Variants in PCDHGA3 observed in about 807,000 individuals in gnomAD.
PCDHGA3 encodes protocadherin gamma subfamily A, 3.
In PCDHGA3, 40 loss-of-function variants were observed where a neutral mutation model predicts 58.5. The observed-to-expected ratio is 0.68, with a 90% CI of 0.53 to 0.89. The LOEUF is 0.89. Ranked by LOEUF, PCDHGA3 falls within the 40% of genes least tolerant of loss-of-function variation. The pLI, the probability that PCDHGA3 is intolerant of heterozygous loss-of-function variation, is 0.00. For synonymous variants in PCDHGA3, 530 were observed against 525.7 expected (o/e 1.01, Z -0.11); for missense variants, 1,223 against 1,195.9 (o/e 1.02, Z -0.33).
intron 1 of PCDHGA3, among the ~76,000 whole-genome samples, chr5:141,492,632 C>T (rs1359761285): frequency 1.3e-5 from 2 of 152,256 alleles, no homozygotes; most frequent in Admixed American, 1.3e-4. Context: ...CAGGACTCTA[C>T]GATCCTTGGG....
chr5:141,421,586 T>A (rs750525078), intron 1 of PCDHGA3: 2 of 1,613,602 alleles, frequency 1.2e-6, no homozygotes, highest in Admixed American at 3.3e-5. Context: ...ATTTACGGAG[T>A]GGAGGTGGAA....
At chr5:141,383,051 A>T in intron 1 of PCDHGA3, 2 of 1,613,872 alleles carry the variant, frequency 1.2e-6, no homozygotes, top group Non-Finnish European at 1.7e-6. Context: ...ATCGCCAAGG[A>T]CCTGGGGCTG....
chr5:141,422,360 G>C (rs766368774), intron 1 of PCDHGA3: 1 of 1,559,254 alleles, frequency 6.4e-7, no homozygotes, highest in African/African-American at 1.4e-5. Context: ...CAAGATTCTG[G>C]AGAAAATGGT....
intron 1 of PCDHGA3, among the ~76,000 whole-genome samples, chr5:141,465,788 T>A (rs1322471400): frequency 6.6e-6 from 1 of 152,110 alleles, no homozygotes; most frequent in Non-Finnish European, 1.5e-5. Context: ...AGTTTTTTTT[T>A]TTTTAAGAAA....
intron 1 of PCDHGA3, chr5:141,350,853 A>G: frequency 1.2e-6 from 2 of 1,614,078 alleles, no homozygotes; most frequent in Non-Finnish European, 1.7e-6. Context: ...AAACCTCTAG[A>G]CAGGGAACAT....
intron 1 of PCDHGA3, among the ~76,000 whole-genome samples, chr5:141,433,378 T>C (rs1246585250): frequency 6.6e-5 from 10 of 151,072 alleles, no homozygotes. Context: ...TATCTATCTA[T>C]CTATCTATCT....
chr5:141,471,646 G>C (rs935284198), intron 1 of PCDHGA3: 1 of 152,108 alleles, frequency 6.6e-6, no homozygotes, highest in Non-Finnish European at 1.5e-5. Flanking sequence ...GTAATATACT[G>C]GATGTGGGGA....
At chr5:141,365,292 C>T in intron 1 of PCDHGA3, 1 of 1,614,002 alleles carries the variant, frequency 6.2e-7, no homozygotes, top group Non-Finnish European at 8.5e-7. Flanking sequence ...GAAGTGGTAG[C>T]TCAGGATGGA....
At chr5:141,387,885 A>C (rs748815627) in intron 1 of PCDHGA3, 1 of 1,578,800 alleles carries the variant, frequency 6.3e-7, no homozygotes, top group Non-Finnish European at 8.6e-7. Flanking sequence ...AGCAAGAGGG[A>C]TGGGGAGCGG....
At chr5:141,474,361 T>C (rs2099347915) in intron 1 of PCDHGA3, among the ~76,000 whole-genome samples, 2 of 152,210 alleles carry the variant, frequency 1.3e-5, no homozygotes, top group South Asian at 2.1e-4. Context: ...CATGTCTCAG[T>C]AGGTCTAGAG....
Position 141,355,398 on chromosome 5 carries a change from C to T in PCDHGA3, c.2424+8941C>T, listed in dbSNP as rs768527060. 11 of 1,613,956 alleles carry T rather than the reference C, an allele frequency of 6.8e-6. No individual in the cohort carries two copies. The Admixed American group carries it at 1.3e-4, about 20-fold the overall frequency. ...AGCTGGCGGAGCGCGGAGTCCGCAT[C>T]GTCTCCAGAGGTAGGACGCAGCTTT... is the stretch of plus-strand genomic sequence containing the variant. On this transcript the variant is annotated intron_variant, in intron 1 of 3. Transcript: ENST00000253812.
chr5:141,399,780 A>G (rs1444494014), intron 1 of PCDHGA3: 1 of 1,613,288 alleles, frequency 6.2e-7, no homozygotes, highest in Non-Finnish European at 8.5e-7. Flanking sequence ...TGGGCGACCG[A>G]AACGACAACG....
At chr5:141,409,734 G>A in intron 1 of PCDHGA3, 1 of 1,613,144 alleles carries the variant, frequency 6.2e-7, no homozygotes, top group East Asian at 2.2e-5. Flanking sequence ...AGCGCGCAGA[G>A]CGGGGTGGTG....
intron 1 of PCDHGA3, among the ~76,000 whole-genome samples, chr5:141,347,479 A>G (rs1483126579): frequency 6.6e-6 from 1 of 152,082 alleles, no homozygotes; most frequent in African/African-American, 2.4e-5. Flanking sequence ...TCTCAATAAC[A>G]TAAAAATTGG....
At chr5:141,375,282 A>G (rs564045445) in intron 1 of PCDHGA3, 6 of 1,613,866 alleles carry the variant, frequency 3.7e-6, no homozygotes, top group Middle Eastern at 1.6e-4. Flanking sequence ...TCAGTTGGCA[A>G]TTATTATCGA....
chr5:141,390,518 T>G (rs1045172175), intron 1 of PCDHGA3: 1 of 570,806 alleles, frequency 1.8e-6, no homozygotes, highest in Non-Finnish European at 3.0e-6. Flanking sequence ...TATAAAGCAA[T>G]GAGGGTGTGG....
chr5:141,347,969 A>G (rs755614604), intron 1 of PCDHGA3, among the ~76,000 whole-genome samples: 1 of 152,216 alleles, frequency 6.6e-6, no homozygotes, highest in Non-Finnish European at 1.5e-5. Context: ...TGAGAAGGAC[A>G]TCAAAAACAT....
chr5:141,464,530 T>C (rs375523203), intron 1 of PCDHGA3, among the ~76,000 whole-genome samples: 1 of 152,108 alleles, frequency 6.6e-6, no homozygotes, highest in African/African-American at 2.4e-5. Flanking sequence ...TATGTAGTTT[T>C]GTTAAATATA....
intron 1 of PCDHGA3, among the ~76,000 whole-genome samples, chr5:141,435,478 C>A (rs1279447863): frequency 6.6e-6 from 1 of 152,146 alleles, no homozygotes; most frequent in Non-Finnish European, 1.5e-5. Flanking sequence ...TTAGACATTT[C>A]TTTTGCCCAT....
Sources: allele counts gnomAD v4.1 joint callset (sites outside exome capture counted in the v4.1 genomes callset), GRCh38; gene constraint gnomAD v4.1.1; transcripts MANE v1.5; gene names NCBI Gene and HGNC (gene_info 2026-07-23, HGNC 2026-07-21).